The following ACOT7 variants were observed in gnomAD, a reference collection of about 807,000 sequenced individuals.
The protein encoded by ACOT7 is acyl-CoA thioesterase 7.
Under a neutral mutation model 40.2 loss-of-function variants are expected in ACOT7, and 12 were observed. The ratio of observed to expected loss-of-function variants is 0.30; its 90% confidence interval spans 0.19 to 0.48. The LOEUF (loss-of-function observed/expected upper bound fraction) is 0.48. Ranked by LOEUF, ACOT7 falls within the 20% of genes least tolerant of loss-of-function variation. The probability of loss-of-function intolerance (pLI) is 0.99; values close to 1 mark genes in which losing one functional copy is unlikely to be tolerated. For missense variants in ACOT7, 395 were observed against 530.8 expected (o/e 0.74, Z 2.51); for synonymous variants, 228 against 219.5 (o/e 1.04, Z -0.34).
At chr1:6,375,534 C>T (rs1239962404) in intron 1 of ACOT7, among the ~76,000 whole-genome samples, 1 of 151,908 alleles carries the variant, frequency 6.6e-6, no homozygotes, top group Non-Finnish European at 1.5e-5. Flanking sequence ...GCCTGCAATC[C>T]CTGCTTGGAG....
chr1:6,321,861 A>G (rs1640654063), intron 5 of ACOT7, among the ~76,000 whole-genome samples: 1 of 152,206 alleles, frequency 6.6e-6, no homozygotes, highest in African/African-American at 2.4e-5. Context: ...GTCAATAAAC[A>G]ATAGGCTTTT....
Position 6,301,333 on chromosome 1 carries a change from T to G in ACOT7, c.713-6353A>C, listed in dbSNP as rs1252519096. On this transcript the variant is annotated intron_variant, in intron 6 of 8. Transcript: ENST00000361521. This position sits in a 1 kb window ranked among gnomAD's most constrained non-coding sequence, Gnocchi z 4.1. Reference sequence around the variant, plus strand: ...GCCCCATTTATCCAAAAGGCTACCTTGTTGGTATGAGACTCCACAAGGGAC... The same window carrying G: ...GCCCCATTTATCCAAAAGGCTACCTGGTTGGTATGAGACTCCACAAGGGAC... Among the ~76,000 whole-genome samples, 1 of 152,174 alleles carries G rather than the reference T, an allele frequency of 6.6e-6. No homozygotes were observed. Among genetic ancestry groups the G allele is most frequent in the African/African-American group, 2.4e-5 (1 of 41,438 alleles).
At chr1:6,269,174 C>T (rs1036103333) in intron 8 of ACOT7, among the ~76,000 whole-genome samples, 4 of 152,228 alleles carry the variant, frequency 2.6e-5, no homozygotes, top group East Asian at 1.9e-4. Context: ...AGTGACACAG[C>T]GGGTAAGGGG....
intron 6 of ACOT7, among the ~76,000 whole-genome samples, chr1:6,318,159 G>C (rs570695369): frequency 6.6e-6 from 1 of 152,170 alleles, no homozygotes; most frequent in Non-Finnish European, 1.5e-5. Context: ...GGGCTCAAGC[G>C]ATCCTCCCAC....
At chr1:6,343,957 C>T (rs942671359) in intron 2 of ACOT7, among the ~76,000 whole-genome samples, 2 of 152,096 alleles carry the variant, frequency 1.3e-5, no homozygotes, top group African/African-American at 4.8e-5. Context: ...GGGGGACGGA[C>T]GAGAAGTAAA....
rs1485982776 is a variant in ACOT7 at position 6,301,445 on chromosome 1, G to A, written c.713-6465C>T. 6.6e-6 allele frequency among the ~76,000 whole-genome samples: 1 copy of A among 152,184 alleles called. No homozygotes were observed. The highest frequency in any genetic ancestry group is 1.5e-5 in the Non-Finnish European group (1 of 68,030). On this transcript the variant is annotated intron_variant, in intron 6 of 8. Transcript: ENST00000361521. This position sits in a 1 kb window ranked among gnomAD's most constrained non-coding sequence, Gnocchi z 4.1. ...TGTGAGCGGCTATTGAGTGCCTGGT[G>A]TGCGAATACCCTCTTCACCACCCCC...
intron 7 of ACOT7, among the ~76,000 whole-genome samples, chr1:6,292,684 G>T (rs112250887): frequency 0.035 from 4,988 of 141,738 alleles, 313 homozygotes; most frequent in African/African-American, 0.13. Context: ...TTGTTTTTTT[G>T]TGTTTTTTTT....
chr1:6,384,789 G>C (rs543911788), intron 1 of ACOT7, among the ~76,000 whole-genome samples: 4 of 151,734 alleles, frequency 2.6e-5, no homozygotes, highest in African/African-American at 9.6e-5. Flanking sequence ...CCAAGGGCTT[G>C]GGGAGCTCCA....
intron 2 of ACOT7, among the ~76,000 whole-genome samples, chr1:6,345,588 T>C (rs940733087): frequency 6.6e-6 from 1 of 152,196 alleles, no homozygotes; most frequent in Non-Finnish European, 1.5e-5. Flanking sequence ...CTCTCTGACA[T>C]GCGGGGATAA....
At chr1:6,372,591 C>G (rs905630539) in intron 1 of ACOT7, among the ~76,000 whole-genome samples, 23 of 146,918 alleles carry the variant, frequency 1.6e-4, no homozygotes, top group African/African-American at 4.9e-4. Context: ...CGCTCTGTCG[C>G]CCAGGTTGGA....
At chr1:6,374,828 T>C (rs961017772) in intron 1 of ACOT7, among the ~76,000 whole-genome samples, 11 of 152,186 alleles carry the variant, frequency 7.2e-5, no homozygotes, top group Non-Finnish European at 1.5e-4. Context: ...TCTCGGCCAG[T>C]TGAAGGGAAC....
chr1:6,369,398 CTTTTTTT>C (rs60404741), intron 1 of ACOT7, among the ~76,000 whole-genome samples: 12 of 100,894 alleles, frequency 1.2e-4, no homozygotes, highest in South Asian at 3.4e-4. Flanking sequence ...AAATGCATTT[CTTTTTTT>C]TTTTTTTTTT....
At chr1:6,346,781 G>A (rs897964069) in intron 2 of ACOT7, among the ~76,000 whole-genome samples, 11 of 152,250 alleles carry the variant, frequency 7.2e-5, no homozygotes, top group African/African-American at 2.6e-4. Context: ...ACCCAAAGTG[G>A]GGGTGGGCCT....
chr1:6,326,480 C>T (rs1257339249), intron 5 of ACOT7, among the ~76,000 whole-genome samples: 1 of 152,266 alleles, frequency 6.6e-6, no homozygotes, highest in African/African-American at 2.4e-5. Context: ...GGGACCAACA[C>T]CACAGGGAAA....
chr1:6,347,606 A>G (rs1641466614), intron 2 of ACOT7, among the ~76,000 whole-genome samples: 1 of 152,100 alleles, frequency 6.6e-6, no homozygotes, highest in Admixed American at 6.5e-5. Flanking sequence ...CTCTACTAAA[A>G]ATACAAAAAA....
intron 7 of ACOT7, among the ~76,000 whole-genome samples, chr1:6,284,237 G>A (rs1391382920): frequency 6.6e-6 from 1 of 152,118 alleles, no homozygotes; most frequent in Non-Finnish European, 1.5e-5. Context: ...GGGGGGACCA[G>A]CTCCCACCCC....
At chr1:6,350,654 C>T (rs759014045) in intron 1 of ACOT7, among the ~76,000 whole-genome samples, 42 of 152,246 alleles carry the variant, frequency 2.8e-4, no homozygotes, top group Non-Finnish European at 5.3e-4. Context: ...CTTCACAGGC[C>T]GAGGCCTGGA....
At chr1:6,321,195 G>T (rs996685616) in intron 5 of ACOT7, among the ~76,000 whole-genome samples, 1 of 152,206 alleles carries the variant, frequency 6.6e-6, no homozygotes, top group African/African-American at 2.4e-5. Flanking sequence ...ATCCAAGCGG[G>T]CACTGGGAAA....
intron 1 of ACOT7, among the ~76,000 whole-genome samples, chr1:6,372,555 T>C (rs1331558277): frequency 4.0e-5 from 4 of 100,046 alleles, no homozygotes; most frequent in South Asian, 5.9e-4. Flanking sequence ...AACTTTTGGC[T>C]TTTTTTTTTT....
Sources: gnomAD v4.1 joint callset for allele counts (sites outside exome capture counted in the v4.1 genomes callset) on GRCh38, gnomAD v4.1.1 for gene constraint, Gnocchi (gnomAD v3.1) non-coding constraint, MANE v1.5 for transcripts, NCBI Gene and HGNC (gene_info 2026-07-23, HGNC 2026-07-21) for gene names.